The following NGLY1 variants were observed in gnomAD, a reference collection of about 807,000 sequenced individuals.
The protein encoded by NGLY1 is peptide-N(4)-(N-acetyl-beta-glucosaminyl)asparagine amidase.
A neutral mutation model predicts 84.6 loss-of-function variants in NGLY1; 68 were observed. That is an observed-to-expected ratio of 0.80 (90% confidence interval 0.66 to 0.98). NGLY1 has a LOEUF of 0.98. Ranked by LOEUF, NGLY1 falls within the 50% of genes least tolerant of loss-of-function variation. The pLI is 0.00. For synonymous variants in NGLY1, 280 were observed against 275.2 expected (o/e 1.02, Z -0.17); for missense variants, 779 against 770.2 (o/e 1.01, Z -0.14).
intron 5 of NGLY1, among the ~76,000 whole-genome samples, chr3:25,739,319 T>A (rs1293678700): frequency 6.6e-6 from 1 of 152,160 alleles, no homozygotes; most frequent in Non-Finnish European, 1.5e-5. Context: ...ATCATTTCTG[T>A]CACCATTATT....
chr3:25,760,367 C>T (rs1187647982), intron 3 of NGLY1, among the ~76,000 whole-genome samples: 1 of 152,002 alleles, frequency 6.6e-6, no homozygotes, highest in Non-Finnish European at 1.5e-5. Flanking sequence ...CTCAGTTTAC[C>T]TTTTTTCCAT....
At chr3:25,789,648 TC>T in intron 1 of NGLY1, 1 of 604,868 alleles carries the variant, frequency 1.7e-6, no homozygotes, top group Non-Finnish European at 2.9e-6. Context: ...ACAACAAATT[TC>T]CTGATGTTGG....
Position 25,771,258 on chromosome 3 carries a change from C to T in NGLY1, c.247-6947G>A, listed in dbSNP as rs1261435687. On this transcript the variant is annotated intron_variant, in intron 2 of 11. Transcript: ENST00000280700. ...ATGAGGATCCAGTTTCAATCTTCTA[C>T]ATGTGGCTTACCAATTATCCTAGCA... Among the ~76,000 whole-genome samples, 5 of 152,216 alleles carry T rather than the reference C, an allele frequency of 3.3e-5. No homozygotes were observed. In the South Asian group the frequency reaches 8.3e-4, roughly 25 times the overall value.
rs570271135 is a variant in NGLY1, at chr3:25,749,402, A to T, written c.658+1696T>A. 25 of 772,532 alleles carry T rather than the reference A, an allele frequency of 3.2e-5. 1 individual carries two copies. The South Asian group carries it at 3.6e-4, about 11-fold the overall frequency. 47.9% of individuals were successfully genotyped at this position (772,532 alleles called of 1,614,324 possible). ...TGCAAAATGTGATATATACATAAAC[A>T]GGACATTATTCACCTTAAAAAGGAA... On this transcript the variant is annotated intron_variant, in intron 4 of 11. Transcript: ENST00000280700.
intron 1 of NGLY1, among the ~76,000 whole-genome samples, chr3:25,779,821 C>A (rs1221648410): frequency 6.6e-6 from 1 of 152,172 alleles, no homozygotes; most frequent in East Asian, 1.9e-4. Context: ...AAACTTTTCC[C>A]TAATTTCAAA....
intron 10 of NGLY1, among the ~76,000 whole-genome samples, chr3:25,726,180 T>A (rs1332963397): frequency 6.6e-6 from 1 of 151,972 alleles, no homozygotes; most frequent in Non-Finnish European, 1.5e-5. Context: ...AAAGTGAGGT[T>A]CTTACAGTGC....
intron 3 of NGLY1, among the ~76,000 whole-genome samples, chr3:25,753,723 A>G (rs1261992710): frequency 6.6e-6 from 1 of 152,192 alleles, no homozygotes; most frequent in Non-Finnish European, 1.5e-5. Flanking sequence ...ATTATAGAAA[A>G]AAAACTTCAT....
rs201451376 is a variant in NGLY1, at chr3:25,751,204, G to A, written c.552C>T (p.Val184=). Residue 184 remains valine (V), a synonymous_variant, in exon 4 of 12, where the codon GTC becomes GTT. Coordinates refer to ENST00000280700, the MANE Select transcript of NGLY1 (RefSeq NM_018297.4). Reference sequence around the variant, plus strand: ...TCTCCTGAAGAGCAGGATTTTCATAGACCAGCACATGCTGAATGTTGGACT... The same window carrying A: ...TCTCCTGAAGAGCAGGATTTTCATAAACCAGCACATGCTGAATGTTGGACT... ...VLQSNIQHVL[V]YENPALQEKA... is the part of the protein sequence containing the mutation. 1.5e-5 allele frequency: 24 copies of A among 1,612,876 alleles called. No individual in the cohort carries two copies. The highest frequency in any genetic ancestry group is 1.7e-4 in the Middle Eastern group (1 of 6,056).
chr3:25,777,343 T>C (rs4317062), intron 2 of NGLY1, among the ~76,000 whole-genome samples: 149,507 of 149,508 alleles, frequency 1, 74,753 homozygotes, highest in Non-Finnish European at 1. Flanking sequence ...TGTGGTAAGC[T>C]GAGATTGCAT....
intron 4 of NGLY1, among the ~76,000 whole-genome samples, chr3:25,746,542 G>C (rs998116948): frequency 6.6e-6 from 1 of 152,144 alleles, no homozygotes; most frequent in African/African-American, 2.4e-5. Context: ...ATGTTAGCAG[G>C]GAACATCAGC....
chr3:25,756,551 T>C (rs189790366), intron 3 of NGLY1, among the ~76,000 whole-genome samples: 5 of 152,334 alleles, frequency 3.3e-5, no homozygotes, highest in Admixed American at 3.3e-4. Context: ...ATATTTCACA[T>C]TTCTAAATTT....
At chr3:25,765,212 C>T (rs1707501650) in intron 2 of NGLY1, among the ~76,000 whole-genome samples, 1 of 152,168 alleles carries the variant, frequency 6.6e-6, no homozygotes, top group South Asian at 2.1e-4. Context: ...GTAATCCCAG[C>T]ACTTTGGGAG....
intron 2 of NGLY1, among the ~76,000 whole-genome samples, chr3:25,773,320 A>G (rs1195106068): frequency 6.6e-6 from 1 of 152,068 alleles, no homozygotes; most frequent in Non-Finnish European, 1.5e-5. Context: ...GGCTTTGATC[A>G]TTTTTAAAAT....
intron 4 of NGLY1, among the ~76,000 whole-genome samples, chr3:25,747,228 A>G (rs1487995492): frequency 6.6e-6 from 1 of 152,194 alleles, no homozygotes; most frequent in Non-Finnish European, 1.5e-5. Context: ...ACTCAAACAC[A>G]AAACATGTTC....
chr3:25,788,165 C>G (rs1708644756), upstream of NGLY1, among the ~76,000 whole-genome samples: 3 of 152,114 alleles, frequency 2.0e-5, no homozygotes, highest in African/African-American at 7.2e-5. Flanking sequence ...AAACTTCAAG[C>G]ATTGATAGGA....
intron 4 of NGLY1, among the ~76,000 whole-genome samples, chr3:25,743,560 C>T (rs915258800): frequency 2.7e-5 from 3 of 110,332 alleles, no homozygotes; most frequent in African/African-American, 8.1e-5. Flanking sequence ...GTCTTCCTAG[C>T]ACTTTTCACT....
upstream of NGLY1, among the ~76,000 whole-genome samples, chr3:25,786,675 T>G (rs576537329): frequency 6.6e-6 from 1 of 152,210 alleles, no homozygotes; most frequent in South Asian, 2.1e-4. Flanking sequence ...TTACAGTTAC[T>G]CAAGAACTTT....
intron 10 of NGLY1, among the ~76,000 whole-genome samples, chr3:25,727,009 T>C (rs1217700819): frequency 1.3e-5 from 2 of 152,218 alleles, no homozygotes; most frequent in Admixed American, 6.5e-5. Context: ...TGATCTGTCA[T>C]GATACCTGGT....
intron 2 of NGLY1, among the ~76,000 whole-genome samples, chr3:25,777,422 C>T (rs1420806117): frequency 7.3e-6 from 1 of 137,136 alleles, no homozygotes; most frequent in Non-Finnish European, 1.6e-5. Context: ...AAAAAAATTC[C>T]CAGTGGCTTC....
Sources: gnomAD v4.1 joint callset for allele counts (sites outside exome capture counted in the v4.1 genomes callset) on GRCh38, gnomAD v4.1.1 for gene constraint, MANE v1.5 for transcripts, NCBI Gene and HGNC (gene_info 2026-07-23, HGNC 2026-07-21) for gene names.